Variants in DUSP16 observed in about 807,000 individuals in gnomAD.
DUSP16 encodes the protein dual specificity phosphatase 16, also known as dual specificity protein phosphatase 16.
Under a neutral mutation model 58.3 loss-of-function variants are expected in DUSP16, and 21 were observed. The ratio of observed to expected loss-of-function variants is 0.36; its 90% CI spans 0.26 to 0.52. DUSP16 has a LOEUF of 0.52. Ranked by LOEUF, DUSP16 falls within the 20% of genes least tolerant of loss-of-function variation. The pLI, the probability that DUSP16 is intolerant of heterozygous loss-of-function variation, is 0.94. For synonymous variants in DUSP16, 320 were observed against 323.8 expected (o/e 0.99, Z 0.12); for missense variants, 726 against 819.0 (o/e 0.89, Z 1.39).
At chr12:12,502,269 C>T (rs1165087773) in intron 3 of DUSP16, among the ~76,000 whole-genome samples, 1 of 152,202 alleles carries the variant, frequency 6.6e-6, no homozygotes, top group Non-Finnish European at 1.5e-5. Context: ...ACGCCTGTCT[C>T]TACTGTCTAG....
intron 1 of DUSP16, among the ~76,000 whole-genome samples, chr12:12,556,377 G>C (rs1034376460): frequency 1.3e-5 from 2 of 152,042 alleles, no homozygotes; most frequent in African/African-American, 4.8e-5. Flanking sequence ...GGGCAACAAA[G>C]TGAGACCCCC....
chr12:12,497,857 C>T (rs935653135), intron 4 of DUSP16, among the ~76,000 whole-genome samples: 5 of 151,956 alleles, frequency 3.3e-5, no homozygotes, highest in African/African-American at 9.7e-5. Context: ...GTAGTCTCAG[C>T]TACTCGGGAG....
chr12:12,503,900 G>A (rs1943948097), intron 3 of DUSP16, among the ~76,000 whole-genome samples: 2 of 152,168 alleles, frequency 1.3e-5, no homozygotes, highest in African/African-American at 4.8e-5. Flanking sequence ...TGCTACGCTA[G>A]GGTCAAAGCA....
intron 3 of DUSP16, among the ~76,000 whole-genome samples, chr12:12,517,317 T>C (rs924231689): frequency 9.8e-5 from 15 of 152,350 alleles, no homozygotes; most frequent in African/African-American, 2.9e-4. Context: ...TCTCCAACTG[T>C]TGAAAGTCAC....
rs1943473675 is a variant in DUSP16 at position 12,477,526 on chromosome 12, A to C, written c.1305T>G (p.Thr435=). The C allele has an allele frequency of 2.5e-6, 4 of 1,605,286 alleles. No individual in the cohort carries two copies. The highest frequency in any genetic ancestry group is 1.3e-5 in the African/African-American group (1 of 74,790). ...DALEYYKPST[T]LDGTNKLCQF... ...GGCATAGCTTGTTGGTCCCATCCAG[A>C]GTAGTGGAAGGTTTGTAGTATTCCA... The change falls in exon 7 of 7, where the codon ACT becomes ACG. Residue 435 remains threonine, a synonymous_variant. Transcript: ENST00000298573. This position sits in a 1 kb window ranked among gnomAD's most constrained non-coding sequence, Gnocchi z 4.1.
chr12:12,552,212 G>A (rs181888083), intron 1 of DUSP16, among the ~76,000 whole-genome samples: 2 of 152,110 alleles, frequency 1.3e-5, no homozygotes, highest in South Asian at 2.1e-4. Context: ...TTGGGAGGCC[G>A]AGGCAAGCGG....
rs748825859 is a variant in DUSP16, at chr12:12,500,505, T to A, written c.531+14A>T. ...TATAAACCCAGCAATGAAGGATATT[T>A]TCAAAGCACCCACCTTGTTGAGGAC... On this transcript the variant is annotated intron_variant, in intron 4 of 6. Transcript: ENST00000298573. 3.8e-6 allele frequency: 6 copies of A among 1,593,136 alleles called. No individual in the cohort carries two copies. The South Asian group carries it at 6.9e-5, about 18-fold the overall frequency.
At chr12:12,551,378 T>C (rs1566057451) in intron 1 of DUSP16, among the ~76,000 whole-genome samples, 1 of 149,896 alleles carries the variant, frequency 6.7e-6, no homozygotes, top group Non-Finnish European at 1.5e-5. Flanking sequence ...TGGTGGTGCG[T>C]GTAATCTGAG....
At chr12:12,512,516 T>C (rs1566010934) in intron 3 of DUSP16, among the ~76,000 whole-genome samples, 1 of 152,184 alleles carries the variant, frequency 6.6e-6, no homozygotes, top group African/African-American at 2.4e-5. Flanking sequence ...TAACCACCGT[T>C]CTACTGTTTT....
chr12:12,547,665 G>C (rs1944666428), intron 1 of DUSP16, among the ~76,000 whole-genome samples: 1 of 150,538 alleles, frequency 6.6e-6, no homozygotes, highest in African/African-American at 2.4e-5. Context: ...AAATATTTAA[G>C]CCCAGGATTC....
At chr12:12,481,654 ATAAT>A (rs1184089239) in intron 5 of DUSP16, among the ~76,000 whole-genome samples, 1 of 152,236 alleles carries the variant, frequency 6.6e-6, no homozygotes, top group Non-Finnish European at 1.5e-5. Context: ...TAGCATATGA[ATAAT>A]TAAGCAGCAA....
Position 12,473,828 on chromosome 12 carries a change from T to G in DUSP16, c.*3005A>C, listed in dbSNP as rs751879074. ...ACAGCTCTTCAACAATTGCCCTTCC[T>G]GTTTTTCCTGTAGGAATCGTAACAT... On this transcript the variant is annotated 3_prime_UTR_variant, in exon 7 of 7. Transcript: ENST00000298573. Among the ~76,000 whole-genome samples the G allele has an allele frequency of 8.5e-5, 13 of 152,270 alleles. No individual in the cohort carries two copies. Among genetic ancestry groups the G allele is most frequent in the Non-Finnish European group, 1.9e-4 (13 of 68,046 alleles).
chr12:12,551,816 C>T (rs1226199307), intron 1 of DUSP16, among the ~76,000 whole-genome samples: 3 of 151,980 alleles, frequency 2.0e-5, no homozygotes, highest in Admixed American at 2.0e-4. Context: ...TCTCAGCCTC[C>T]CGAGTAGCTA....
At chr12:12,531,624 C>A (rs1745905071) in intron 1 of DUSP16, among the ~76,000 whole-genome samples, 1 of 152,218 alleles carries the variant, frequency 6.6e-6, no homozygotes, top group African/African-American at 2.4e-5. Flanking sequence ...CTTTAAACTA[C>A]TTTTGGGAGG....
At chr12:12,487,227 A>G (rs1397317165) in intron 4 of DUSP16, 40 bp from the exon 5 acceptor site, 6 of 1,591,642 alleles carry the variant, frequency 3.8e-6, no homozygotes, top group South Asian at 2.2e-5. Context: ...GACTAATAAT[A>G]TAGTAAACAT....
chr12:12,550,585 T>C (rs1401130302), intron 1 of DUSP16, among the ~76,000 whole-genome samples: 7 of 152,144 alleles, frequency 4.6e-5, no homozygotes, highest in East Asian at 1.9e-4. Flanking sequence ...GTTTCACCCA[T>C]CATTCTCAGC....
At chr12:12,516,020 C>T (rs1462087020) in intron 3 of DUSP16, among the ~76,000 whole-genome samples, 3 of 151,930 alleles carry the variant, frequency 2.0e-5, no homozygotes, top group Non-Finnish European at 4.4e-5. Flanking sequence ...AGGTGATCCA[C>T]CCACCTCGGC....
chr12:12,548,223 C>T (rs1044075469), intron 1 of DUSP16, among the ~76,000 whole-genome samples: 1 of 152,122 alleles, frequency 6.6e-6, no homozygotes, highest in Non-Finnish European at 1.5e-5. Flanking sequence ...AACATTTCTC[C>T]CAAGATGATA....
intron 1 of DUSP16, among the ~76,000 whole-genome samples, chr12:12,552,927 CCCA>C (rs1298946935): frequency 4.6e-5 from 7 of 151,754 alleles, no homozygotes; most frequent in Non-Finnish European, 7.4e-5. Flanking sequence ...ATTACAGGCG[CCCA>C]CCACCACACC....
Sources: allele counts gnomAD v4.1 joint callset (sites outside exome capture counted in the v4.1 genomes callset), GRCh38; gene constraint gnomAD v4.1.1; non-coding constraint Gnocchi (gnomAD v3.1); transcripts MANE v1.5; gene names NCBI Gene and HGNC (gene_info 2026-07-23, HGNC 2026-07-21).